The following CTBP2 variants were observed in gnomAD, a reference collection of about 807,000 sequenced individuals.
The protein encoded by CTBP2 is C-terminal-binding protein 2.
CTBP2 carries 30 observed loss-of-function variants against 80.3 expected under a neutral mutation model. That is an observed-to-expected ratio of 0.37 (90% confidence interval 0.28 to 0.51). The LOEUF (loss-of-function observed/expected upper bound fraction) is 0.51. Ranked by LOEUF, CTBP2 falls within the 20% of genes least tolerant of loss-of-function variation. CTBP2 has a pLI of 0.93. For synonymous variants in CTBP2, 594 were observed against 587.4 expected (o/e 1.01, Z -0.16); for missense variants, 1,212 against 1,375.3 (o/e 0.88, Z 1.88).
At chr10:125,030,155 C>T (rs1387145628), upstream of CTBP2, among the ~76,000 whole-genome samples, 3 of 150,496 alleles carry the variant, frequency 2.0e-5, no homozygotes, top group Admixed American at 6.6e-5. Flanking sequence ...ACCACACACA[C>T]ACACACACAC....
chr10:125,026,477 G>C lies in CTBP2; in HGVS notation c.1283C>G (p.Thr428Ser), dbSNP rs1359670944. ...GTTGGAGGGGAAGTGTGGGGCATGG[G>C]TGCCCACGCCAGGGGCAGAATAGGT... The change falls in exon 1 of 9, where the codon ACC (threonine) becomes AGC (serine). Residue 428 changes from threonine to serine, a missense_variant. Thr to Ser is a moderately conservative substitution (Grantham distance 58, BLOSUM62 1). Around this residue, in one of 3 missense-constraint regions of CTBP2, gnomAD observed 848 missense variants for 782.3 expected, o/e 1.08. Transcript: ENST00000309035. 6.2e-7 allele frequency: 1 copy of C among 1,600,976 alleles called. No individual in the cohort carries two copies. The highest frequency in any genetic ancestry group is 2.2e-5 in the East Asian group (1 of 44,538).
At chr10:125,152,225 A>ACCCCGGG (rs1860100820) in intron 1 of CTBP2, among the ~76,000 whole-genome samples, 1 of 152,046 alleles carries the variant, frequency 6.6e-6, no homozygotes, top group Non-Finnish European at 1.5e-5. Context: ...GGGAGCCAGG[A>ACCCCGGG]ACCCCGGGAC....
rs764802297 is a variant in CTBP2 at position 125,026,306 on chromosome 10, G to A, written c.1454C>T (p.Thr485Met). 1.3e-5 allele frequency: 21 copies of A among 1,613,836 alleles called. No homozygotes were observed. The highest frequency in any genetic ancestry group is 2.2e-5 in the South Asian group (2 of 91,088). The change falls in exon 1 of 9, where the codon ACG (threonine) becomes ATG (methionine). Residue 485 changes from threonine to methionine, a missense_variant. Coordinates refer to ENST00000309035, the MANE Select transcript of CTBP2 (RefSeq NM_022802.3). ...CCTCTTTAGCAGCTCCATGGGCACC[G>A]TGTATGCCGTGGAGTAGGCTGTTCT...
chr10:125,015,564 C>T (rs962681964), intron 1 of CTBP2, among the ~76,000 whole-genome samples: 18 of 152,316 alleles, frequency 1.2e-4, no homozygotes, highest in East Asian at 3.9e-4. Flanking sequence ...GAGGGCGTCC[C>T]GGAAGCCCAT....
At chr10:125,118,015 G>A (rs1178243877) in intron 1 of CTBP2, among the ~76,000 whole-genome samples, 1 of 152,164 alleles carries the variant, frequency 6.6e-6, no homozygotes, top group Non-Finnish European at 1.5e-5. Context: ...TATTCAGCTG[G>A]TTTTAAGAAT....
intron 1 of CTBP2, among the ~76,000 whole-genome samples, chr10:125,114,441 CTG>C (rs1316819606): frequency 2.0e-5 from 3 of 152,144 alleles, no homozygotes; most frequent in African/African-American, 7.2e-5. Flanking sequence ...CCCAACCAGA[CTG>C]TGGTCAGCTA....
At chr10:124,990,042 GTT>G (rs74920887) in intron 8 of CTBP2, among the ~76,000 whole-genome samples, 8 of 138,820 alleles carry the variant, frequency 5.8e-5, no homozygotes, top group Admixed American at 7.2e-5. Context: ...CTGGCTAATA[GTT>G]TTTTTTTTTT....
intron 1 of CTBP2, among the ~76,000 whole-genome samples, chr10:125,125,295 C>A (rs752398371): frequency 3.3e-4 from 50 of 152,214 alleles, no homozygotes; most frequent in Non-Finnish European, 2.9e-4. Context: ...ATCCGAGTAG[C>A]AAACACCATG....
chr10:125,110,238 G>A (rs769752789), intron 2 of CTBP2, among the ~76,000 whole-genome samples: 3 of 152,204 alleles, frequency 2.0e-5, no homozygotes, highest in Non-Finnish European at 4.4e-5. Context: ...GTTACCTCAC[G>A]GGGAAAACAT....
chr10:124,985,452 T>G lies in CTBP2; in HGVS notation c.*4066A>C, dbSNP rs1952011655. Reference sequence around the variant, plus strand: ...CTACTTTCACCTTAAAAGATCCATCTAAGTCTCAGATCTGGAAACGTTTTG... The same window carrying G: ...CTACTTTCACCTTAAAAGATCCATCGAAGTCTCAGATCTGGAAACGTTTTG... On this transcript the variant is annotated 3_prime_UTR_variant, in exon 9 of 9. Coordinates refer to ENST00000309035, the MANE Select transcript of CTBP2 (RefSeq NM_022802.3). 1 of 153,578 alleles carries G rather than the reference T, an allele frequency of 6.5e-6. No homozygotes were observed. Among genetic ancestry groups the G allele is most frequent in the South Asian group, 2.1e-4 (1 of 4,872 alleles). 9.5% of individuals were successfully genotyped at this position (153,578 alleles called of 1,614,324 possible).
chr10:125,029,245 G>GTT (rs34949118), upstream of CTBP2, among the ~76,000 whole-genome samples: 3,049 of 137,736 alleles, frequency 0.022, 119 homozygotes, highest in African/African-American at 0.062. Context: ...TTGAGACACA[G>GTT]TTTTTTTTTT....
intron 2 of CTBP2, among the ~76,000 whole-genome samples, chr10:125,051,607 A>G (rs930104705): frequency 3.3e-5 from 5 of 151,804 alleles, no homozygotes; most frequent in African/African-American, 1.2e-4. Flanking sequence ...GCCACTGCAC[A>G]CTAGCCTGGG....
At chr10:125,048,716 T>C (rs187089322) in intron 2 of CTBP2, among the ~76,000 whole-genome samples, 5 of 152,108 alleles carry the variant, frequency 3.3e-5, no homozygotes, top group African/African-American at 7.2e-5. Context: ...GTGTTGAAAA[T>C]TGGAAACAAC....
intron 2 of CTBP2, among the ~76,000 whole-genome samples, chr10:125,098,744 G>GAGAC (rs1564914610): frequency 1.7e-5 from 2 of 114,556 alleles, no homozygotes; most frequent in Non-Finnish European, 3.7e-5. Context: ...GAGAGAGAGA[G>GAGAC]AGAGACAGAG....
Position 125,026,389 on chromosome 10 carries a change from CA to C in CTBP2, c.1370del (p.Leu457ArgfsTer7). 6.2e-7 allele frequency: 1 copy of C among 1,611,214 alleles called. No individual in the cohort carries two copies. Among genetic ancestry groups the C allele is most frequent in the Non-Finnish European group, 8.5e-7 (1 of 1,178,008 alleles). Reference sequence around the variant, plus strand: ...GGTTAGTCAAGGCCACCCCTGCCTGCAGGGGGTACGTGGGGCTCAGACGCGC... The same window carrying C: ...GGTTAGTCAAGGCCACCCCTGCCTGCGGGGGTACGTGGGGCTCAGACGCGC... On this transcript the variant is annotated frameshift_variant, in exon 1 of 9. Coordinates refer to ENST00000309035, the MANE Select transcript of CTBP2 (RefSeq NM_022802.3). LOFTEE classifies it high-confidence loss of function.
chr10:125,067,473 C>T (rs931503543), intron 2 of CTBP2, among the ~76,000 whole-genome samples: 12 of 152,238 alleles, frequency 7.9e-5, no homozygotes, highest in African/African-American at 2.4e-4. Context: ...AATAAGGAAA[C>T]TAGGTGAGGA....
upstream of CTBP2, chr10:125,162,342 G>A (rs1298106971): frequency 6.6e-6 from 1 of 152,110 alleles, no homozygotes; most frequent in Non-Finnish European, 1.5e-5. Flanking sequence ...AGGGCCAGGG[G>A]GCCGGAGGAG....
intron 3 of CTBP2, among the ~76,000 whole-genome samples, chr10:125,035,526 A>G (rs753817669): frequency 6.6e-6 from 1 of 152,258 alleles, no homozygotes; most frequent in African/African-American, 2.4e-5. Context: ...CAATCGCAAC[A>G]GCCGCAGGAA....
chr10:125,158,541 C>T (rs1434434246), intron 1 of CTBP2: 1 of 152,198 alleles, frequency 6.6e-6, no homozygotes, highest in East Asian at 1.9e-4. Context: ...TCTTGTCTAT[C>T]CTTCCAGCCA....
Sources: gnomAD v4.1 joint callset for allele counts (sites outside exome capture counted in the v4.1 genomes callset) on GRCh38, gnomAD v4.1.1 for gene constraint, gnomAD v4.1.1 regional missense constraint, MANE v1.5 for transcripts, NCBI Gene and HGNC (gene_info 2026-07-23, HGNC 2026-07-21) for gene names.